Variants in MAP3K9 observed in about 807,000 individuals in gnomAD.
The protein encoded by MAP3K9 is mitogen-activated protein kinase kinase kinase 9, also known as mixed lineage kinase 1 (tyr and ser/thr specificity).
Under a neutral mutation model 95.8 loss-of-function variants are expected in MAP3K9, and 46 were observed. The observed-to-expected ratio is 0.48, with a 90% CI of 0.38 to 0.61. The LOEUF (loss-of-function observed/expected upper bound fraction) is 0.61, where lower values mean the gene tolerates loss of function less well. Among genes scored for constraint, MAP3K9 ranks in the 20% least tolerant of loss-of-function variants. MAP3K9 has a pLI of 0.00. For synonymous variants in MAP3K9, 533 were observed against 593.8 expected, an observed-to-expected ratio of 0.90 and a Z score of 1.49; for missense variants, 1,296 against 1,474.3, an observed-to-expected ratio of 0.88 and a Z score of 1.98.
Position 70,742,406 on chromosome 14 carries a change from C to T in MAP3K9, c.1512G>A (p.Lys504=), listed in dbSNP as rs1423274051. The T allele has an allele frequency of 6.2e-7, 1 of 1,614,224 alleles. No individual in the cohort carries two copies. Among genetic ancestry groups the T allele is most frequent in the Admixed American group, 1.7e-5 (1 of 60,028 alleles). ...EKPRVKKRKG[K]FRKSRLKLKD... ...TGAGCTTCAGCCGGCTCTTCCTGAA[C>T]TTGCCCTTGCGTTTCTTCACCCGGG... Residue 504 remains lysine, a synonymous_variant, in exon 6 of 12, where the codon AAG becomes AAA. Coordinates refer to ENST00000554752, the MANE Select transcript of MAP3K9 (RefSeq NM_001284230.2).
In MAP3K9 at chr14:70,800,432, TA is replaced by T. The variant is rs111280362; in HGVS notation, c.820+234del. ...AGTAGGGAAGGCCACTCTAGACTGCTAAAAAAAAAAGCTCAAAATTATCCCA... is the reference window on the plus strand; with the variant it reads ...AGTAGGGAAGGCCACTCTAGACTGCTAAAAAAAAAGCTCAAAATTATCCCA... On this transcript the variant is annotated intron_variant, in intron 2 of 11. Transcript: ENST00000554752. Among the ~76,000 whole-genome samples, 110 of 146,902 alleles carry T rather than the reference TA, an allele frequency of 7.5e-4. 1 individual carries two copies. The East Asian group carries it at 0.017, about 22-fold the overall frequency.
At position 70,783,180 on chromosome 14, in the gene MAP3K9, G is replaced by C. The variant is rs546905948; in HGVS notation, c.820+17487C>G. ...GAAACCTAAAATTGGCCAGATTCAT[G>C]GTCCATGCAACTAGAGTCAAGCATA... On this transcript the variant is annotated intron_variant, in intron 2 of 11. Coordinates refer to ENST00000554752, the MANE Select transcript of MAP3K9 (RefSeq NM_001284230.2). The C allele has an allele frequency of 4.2e-4, 323 of 765,874 alleles. 1 individual carries two copies. Among genetic ancestry groups the C allele is most frequent in the Middle Eastern group, 1.3e-3 (2 of 1,506 alleles). 47.4% of individuals were successfully genotyped at this position (765,874 alleles called of 1,614,324 possible).
At chr14:70,779,843 C>T (rs2054650478) in intron 2 of MAP3K9, among the ~76,000 whole-genome samples, 1 of 152,216 alleles carries the variant, frequency 6.6e-6, no homozygotes, top group Admixed American at 6.5e-5. Flanking sequence ...TCTGGCAAGC[C>T]CCCAGGTATC....
At chr14:70,789,484 G>A (rs906018730) in intron 2 of MAP3K9, among the ~76,000 whole-genome samples, 5 of 152,224 alleles carry the variant, frequency 3.3e-5, no homozygotes, top group African/African-American at 9.6e-5. Context: ...GTGCCTGTGT[G>A]ATACTGACAC....
chr14:70,756,797 T>C (rs2139771001), intron 3 of MAP3K9, among the ~76,000 whole-genome samples: 1 of 152,262 alleles, frequency 6.6e-6, no homozygotes, highest in Non-Finnish European at 1.5e-5. Flanking sequence ...ATTTAGCTAG[T>C]TTTTGAAAGA....
intron 9 of MAP3K9, 125 bp downstream of exon 9, chr14:70,735,836 A>T: frequency 3.9e-6 from 3 of 766,412 alleles, no homozygotes; most frequent in Non-Finnish European, 6.9e-6. Flanking sequence ...AAAAACAAAA[A>T]CAAAAAAGTC....
chr14:70,745,064 A>C (rs1364083551), intron 5 of MAP3K9, among the ~76,000 whole-genome samples: 1 of 152,164 alleles, frequency 6.6e-6, no homozygotes, highest in Non-Finnish European at 1.5e-5. Flanking sequence ...AAATTTTTAA[A>C]TCTAGATTTT....
chr14:70,742,279 A>C (rs4899368), intron 6 of MAP3K9, 72 bp downstream of exon 6: 2 of 1,558,108 alleles, frequency 1.3e-6, no homozygotes, highest in African/African-American at 2.7e-5. Flanking sequence ...TCAGTCCCGG[A>C]CTCCCTCAAA....
rs572178360 is a variant in MAP3K9, at chr14:70,732,870, C to G, written c.2499G>C (p.Thr833=). Residue 833 remains threonine, a synonymous_variant, in exon 11 of 12, where the codon ACG becomes ACC. Transcript: ENST00000554752. ...CGGAGATGGAGGAGAGGGAGAGCAGCGTCAGGGAGGCAGAGGGGTCTCCTA... is the reference window on the plus strand; with the variant it reads ...CGGAGATGGAGGAGAGGGAGAGCAGGGTCAGGGAGGCAGAGGGGTCTCCTA... The part of the protein sequence containing the change: ...LLLGDPSASL[T]LLSLSSISEC... 3.7e-6 allele frequency: 6 copies of G among 1,613,744 alleles called. No individual in the cohort carries two copies. In the East Asian group the frequency reaches 1.1e-4, roughly 30 times the overall value.
At chr14:70,778,802 T>C (rs528522793) in intron 2 of MAP3K9, among the ~76,000 whole-genome samples, 1 of 152,330 alleles carries the variant, frequency 6.6e-6, no homozygotes, top group African/African-American at 2.4e-5. Context: ...GATATTCCCC[T>C]GAGCTACCCA....
chr14:70,769,040 T>C lies in MAP3K9; in HGVS notation c.821-7858A>G, dbSNP rs765326900. ...AGGAGAGTACATTAAAATGTATACA[T>C]GTAACATGTACAAATGTATATATGG... On this transcript the variant is annotated intron_variant, in intron 2 of 11. Coordinates refer to ENST00000554752, the MANE Select transcript of MAP3K9 (RefSeq NM_001284230.2). Among the ~76,000 whole-genome samples the C allele has an allele frequency of 4.6e-5, 7 of 152,178 alleles. No homozygotes were observed. The South Asian group carries it at 1.2e-3, about 27-fold the overall frequency.
intron 6 of MAP3K9, among the ~76,000 whole-genome samples, chr14:70,741,092 T>C (rs2054063577): frequency 6.6e-6 from 1 of 151,944 alleles, no homozygotes; most frequent in Admixed American, 6.6e-5. Context: ...CTTTGTTCCT[T>C]ACACTTTTTT....
intron 5 of MAP3K9, among the ~76,000 whole-genome samples, chr14:70,746,963 A>G (rs1236846884): frequency 6.6e-6 from 1 of 152,246 alleles, no homozygotes; most frequent in African/African-American, 2.4e-5. Flanking sequence ...TTTTGTAATC[A>G]TTCTGCTCAA....
intron 8 of MAP3K9, 80 bp from the exon 9 acceptor site, chr14:70,736,109 G>T (rs2053983204): frequency 1.1e-6 from 1 of 921,564 alleles, no homozygotes; most frequent in African/African-American, 1.7e-5. Context: ...AACACCCAAG[G>T]CTGGATTCAC....
At chr14:70,804,102 T>C (rs531513178) in intron 1 of MAP3K9, among the ~76,000 whole-genome samples, 59 of 152,332 alleles carry the variant, frequency 3.9e-4, no homozygotes, top group Non-Finnish European at 7.2e-4. Flanking sequence ...CAGGGTGTTT[T>C]TGAAGCCAAC....
At chr14:70,786,040 A>C (rs114987691) in intron 2 of MAP3K9, among the ~76,000 whole-genome samples, 1,823 of 152,242 alleles carry the variant, frequency 0.012, 47 homozygotes, top group African/African-American at 0.042. Context: ...ACCATGAATA[A>C]TAAGCCAAGG....
rs1351385832 is a variant in MAP3K9 at position 70,754,472 on chromosome 14, T to A, written c.1002-4391A>T. Among the ~76,000 whole-genome samples the A allele has an allele frequency of 2.0e-5, 3 of 152,080 alleles. No homozygotes were observed. The East Asian group carries it at 5.8e-4, about 29-fold the overall frequency. ...TTTCAAATTTTTTCTACAGAAAACG[T>A]TTTGCTATTGTAATTTTGAGACAGA... On this transcript the variant is annotated intron_variant, in intron 3 of 11. Transcript: ENST00000554752.
chr14:70,807,081 G>T (rs1011433894), intron 1 of MAP3K9, among the ~76,000 whole-genome samples: 6 of 152,304 alleles, frequency 3.9e-5, no homozygotes, highest in Admixed American at 3.9e-4. Flanking sequence ...GAGAGGGAGA[G>T]GGGGAACCTA....
chr14:70,809,175 G>C lies in MAP3K9; in HGVS notation c.-4C>G. On this transcript the variant is annotated 5_prime_UTR_variant, in exon 1 of 12. Coordinates refer to ENST00000554752, the MANE Select transcript of MAP3K9 (RefSeq NM_001284230.2). ...GAAGCGCTCTGGAGGGCTCCATGGA[G>C]CGGCCGATCCATAGGGTGCGGGGCC... The C allele has an allele frequency of 7.5e-7, 1 of 1,340,718 alleles. No homozygotes were observed. Among genetic ancestry groups the C allele is most frequent in the Non-Finnish European group, 9.5e-7 (1 of 1,053,682 alleles). The allele number at this position is 1,340,718 out of a possible 1,614,324, so 83.1% of individuals were successfully genotyped here. A position where few individuals can be genotyped will look rare whatever the true frequency, so the allele number is the denominator to read the frequency against.
Sources: gnomAD v4.1 joint callset for allele counts (sites outside exome capture counted in the v4.1 genomes callset) on GRCh38, gnomAD v4.1.1 for gene constraint, MANE v1.5 for transcripts, NCBI Gene and HGNC (gene_info 2026-07-23, HGNC 2026-07-21) for gene names.